Variants in TRIO observed in about 807,000 individuals in gnomAD.
TRIO encodes triple functional domain protein.
In TRIO, 58 loss-of-function variants were observed where a neutral mutation model predicts 351.9. The ratio of observed to expected loss-of-function variants is 0.16; its 90% CI spans 0.13 to 0.21. The LOEUF (loss-of-function observed/expected upper bound fraction) is 0.21. Among genes scored for constraint, TRIO ranks in the 10% least tolerant of loss-of-function variants. The pLI is 1.00. For synonymous variants in TRIO, 1,758 were observed against 1,595.7 expected (o/e 1.10, Z -2.42); for missense variants, 3,201 against 4,027.8 (o/e 0.79, Z 5.56).
At chr5:14,465,904 A>T (rs1754220029) in intron 37 of TRIO, 1 of 429,140 alleles carries the variant, frequency 2.3e-6, no homozygotes, top group Non-Finnish European at 4.4e-6. Flanking sequence ...TGCATAGGGC[A>T]GGTCTCAGGG....
intron 1 of TRIO, among the ~76,000 whole-genome samples, chr5:14,187,173 C>T (rs949408402): frequency 6.6e-6 from 1 of 152,102 alleles, no homozygotes; most frequent in Non-Finnish European, 1.5e-5. Context: ...ATTATAGTGT[C>T]AACTGCAAAA....
chr5:14,277,112 G>T (rs992082805), intron 2 of TRIO, among the ~76,000 whole-genome samples: 8 of 152,224 alleles, frequency 5.3e-5, no homozygotes, highest in African/African-American at 1.9e-4. Context: ...ACTGGGCATG[G>T]AGAGCATTGT....
intron 34 of TRIO, among the ~76,000 whole-genome samples, chr5:14,456,057 G>GGGCT (rs1561511614): frequency 2.0e-5 from 3 of 152,246 alleles, no homozygotes; most frequent in Non-Finnish European, 4.4e-5. Flanking sequence ...CGGTGCGGGC[G>GGGCT]GGCTGGCTGG....
At position 14,143,746 on chromosome 5, in the gene TRIO, A is replaced by AGCC. The variant is rs1200482117; in HGVS notation, c.28_30dup (p.Ala10dup). 57 of 981,968 alleles carry AGCC rather than the reference A, an allele frequency of 5.8e-5. No homozygotes were observed. Among genetic ancestry groups the AGCC allele is most frequent in the Non-Finnish European group, 6.6e-5 (55 of 829,718 alleles). 60.8% of individuals were successfully genotyped at this position (981,968 alleles called of 1,614,324 possible). ...CAGCCATGAGCGGCAGCAGCGGCGG[A>AGCC]GCCGCCGCCCCCGCCGCGTCCTCCG... On this transcript the variant is annotated inframe_insertion, in exon 1 of 57. Transcript: ENST00000344204.
chr5:14,344,808 T>G (rs1357124289), intron 11 of TRIO, among the ~76,000 whole-genome samples: 1 of 152,160 alleles, frequency 6.6e-6, no homozygotes, highest in Non-Finnish European at 1.5e-5. Flanking sequence ...CAAAAGCCTT[T>G]CGTGGGATAT....
rs773267205 is a variant in TRIO at position 14,479,314 on chromosome 5, G to A, written c.6207G>A (p.Glu2069=). The A allele has an allele frequency of 6.2e-7, 1 of 1,613,864 alleles. No individual in the cohort carries two copies. The highest frequency in any genetic ancestry group is 8.5e-7 in the Non-Finnish European group (1 of 1,179,922). The change falls in exon 42 of 57, where the codon GAG becomes GAA. Residue 2069 remains glutamate (E), a synonymous_variant. Transcript: ENST00000344204. ...IAYCQNKPKS[E]HIVSEYIDTF... ...ATTGTCAAAATAAACCAAAGTCTGA[G>A]CACATTGTCTCAGAATACATTGATA...
chr5:14,496,270 A>G (rs1756889010), intron 49 of TRIO, among the ~76,000 whole-genome samples: 1 of 152,220 alleles, frequency 6.6e-6, no homozygotes, highest in Non-Finnish European at 1.5e-5. Context: ...CCAAGTCCCC[A>G]GGACCTCTAA....
At chr5:14,221,057 G>A (rs1236153879) in intron 1 of TRIO, among the ~76,000 whole-genome samples, 1 of 152,190 alleles carries the variant, frequency 6.6e-6, no homozygotes, top group East Asian at 1.9e-4. Flanking sequence ...CTTTGTTGAA[G>A]CCAATGCTCA....
chr5:14,371,218 A>ATTTTTGACTTACGATT (rs1197909847), intron 18 of TRIO, among the ~76,000 whole-genome samples: 5 of 152,336 alleles, frequency 3.3e-5, no homozygotes, highest in Admixed American at 2.6e-4. Flanking sequence ...CAATAAACTC[A>ATTTTTGACTTACGATT]TTTTTGACTT....
At chr5:14,455,101 C>A (rs909692785) in intron 34 of TRIO, among the ~76,000 whole-genome samples, 3 of 152,106 alleles carry the variant, frequency 2.0e-5, no homozygotes, top group African/African-American at 4.8e-5. Flanking sequence ...AAAGGCAGTG[C>A]GGACCCAAAG....
At chr5:14,260,790 A>G (rs1463651979) in intron 1 of TRIO, among the ~76,000 whole-genome samples, 1 of 152,206 alleles carries the variant, frequency 6.6e-6, no homozygotes, top group Non-Finnish European at 1.5e-5. Flanking sequence ...TTAAATGTGT[A>G]ATTTAGTAAC....
intron 9 of TRIO, among the ~76,000 whole-genome samples, chr5:14,320,713 A>G (rs1739804830): frequency 6.6e-6 from 1 of 152,162 alleles, no homozygotes; most frequent in Non-Finnish European, 1.5e-5. Flanking sequence ...TGAAAGTTTC[A>G]GGGATAAATA....
chr5:14,174,928 ATC>A (rs1328869014), intron 1 of TRIO, among the ~76,000 whole-genome samples: 4 of 152,178 alleles, frequency 2.6e-5, no homozygotes, highest in African/African-American at 7.2e-5. Context: ...ATTATTACAG[ATC>A]TCTCAAAATG....
At chr5:14,188,270 A>G (rs759831253) in intron 1 of TRIO, among the ~76,000 whole-genome samples, 13 of 152,342 alleles carry the variant, frequency 8.5e-5, no homozygotes, top group East Asian at 3.9e-4. Context: ...TTGAGTGCCA[A>G]TGCTGCCATG....
At chr5:14,475,609 A>T (rs1755015011) in intron 40 of TRIO, among the ~76,000 whole-genome samples, 1 of 152,248 alleles carries the variant, frequency 6.6e-6, no homozygotes, top group Non-Finnish European at 1.5e-5. Flanking sequence ...GGATTTACAG[A>T]TAAATGATCG....
chr5:14,151,798 G>A (rs1406625937), intron 1 of TRIO, among the ~76,000 whole-genome samples: 2 of 152,264 alleles, frequency 1.3e-5, no homozygotes, highest in South Asian at 2.1e-4. Context: ...TGATACCTGT[G>A]AGAGGGCACT....
chr5:14,222,313 G>A (rs897898792), intron 1 of TRIO, among the ~76,000 whole-genome samples: 4 of 152,140 alleles, frequency 2.6e-5, no homozygotes, highest in African/African-American at 9.6e-5. Flanking sequence ...TGTGTGACTC[G>A]CTTTATTGCA....
intron 34 of TRIO, among the ~76,000 whole-genome samples, chr5:14,448,068 C>A (rs1752566781): frequency 6.6e-6 from 1 of 152,236 alleles, no homozygotes; most frequent in African/African-American, 2.4e-5. Flanking sequence ...ACTTCGGTAT[C>A]CCTCAGTCAG....
chr5:14,281,363 C>T (rs1735977855), intron 3 of TRIO, among the ~76,000 whole-genome samples: 1 of 151,430 alleles, frequency 6.6e-6, no homozygotes, highest in South Asian at 2.1e-4. Flanking sequence ...TTTTAAACAA[C>T]CAGATCTCAT....
Sources: gnomAD v4.1 joint callset for allele counts (sites outside exome capture counted in the v4.1 genomes callset) on GRCh38, gnomAD v4.1.1 for gene constraint, MANE v1.5 for transcripts, NCBI Gene and HGNC (gene_info 2026-07-23, HGNC 2026-07-21) for gene names.